Variants in CTNNA2 observed in about 807,000 individuals in gnomAD.
CTNNA2 encodes catenin alpha 2, also known as catenin alpha-2.
A neutral mutation model predicts 101.0 loss-of-function variants in CTNNA2; 42 were observed. That is an observed-to-expected ratio of 0.42 (90% CI 0.32 to 0.54). CTNNA2 has a LOEUF of 0.54. Ranked by LOEUF, CTNNA2 falls within the 20% of genes least tolerant of loss-of-function variation. The pLI is 0.14. For synonymous variants in CTNNA2, 450 were observed against 456.4 expected (o/e 0.99, Z 0.18); for missense variants, 871 against 1,223.1 (o/e 0.71, Z 4.29).
intron 15 of CTNNA2, among the ~76,000 whole-genome samples, chr2:80,592,598 T>A (rs1029830237): frequency 3.3e-5 from 5 of 152,194 alleles, no homozygotes; most frequent in African/African-American, 1.2e-4. Flanking sequence ...GTCTTCATAC[T>A]GCTTCAGCTG....
intron 2 of CTNNA2, among the ~76,000 whole-genome samples, chr2:79,662,685 A>G (rs1051214046): frequency 1.3e-5 from 2 of 152,206 alleles, no homozygotes; most frequent in African/African-American, 4.8e-5. Flanking sequence ...GGGCATGTCA[A>G]CACACTGGCT....
At chr2:80,039,078 G>A (rs553497974) in intron 7 of CTNNA2, among the ~76,000 whole-genome samples, 24 of 152,120 alleles carry the variant, frequency 1.6e-4, no homozygotes, top group Non-Finnish European at 2.8e-4. Flanking sequence ...TGCTTTCTTG[G>A]GCATTTTTTG....
At chr2:80,230,706 C>T (rs1434742695) in intron 7 of CTNNA2, among the ~76,000 whole-genome samples, 1 of 152,152 alleles carries the variant, frequency 6.6e-6, no homozygotes, top group Admixed American at 6.5e-5. Flanking sequence ...ACCACTGCAG[C>T]TATTTTGTTG....
At chr2:79,976,674 T>C (rs1003399107) in intron 7 of CTNNA2, among the ~76,000 whole-genome samples, 2 of 152,214 alleles carry the variant, frequency 1.3e-5, no homozygotes, top group African/African-American at 4.8e-5. Context: ...TATTGTCCCA[T>C]TGCATAGACA....
chr2:79,538,586 T>C (rs1201644568), intron 1 of CTNNA2, among the ~76,000 whole-genome samples: 1 of 152,044 alleles, frequency 6.6e-6, no homozygotes, highest in African/African-American at 2.4e-5. Context: ...AGAGTGGAAA[T>C]AGCAGGTAGG....
intron 1 of CTNNA2, among the ~76,000 whole-genome samples, chr2:79,604,031 A>G (rs78111166): frequency 1.1e-4 from 16 of 152,336 alleles, no homozygotes; most frequent in African/African-American, 3.6e-4. Context: ...TATGAATCCT[A>G]TGATCCTAAG....
intron 2 of CTNNA2, among the ~76,000 whole-genome samples, chr2:79,704,302 TTTA>T (rs1685202161): frequency 6.6e-6 from 1 of 152,228 alleles, no homozygotes; most frequent in Non-Finnish European, 1.5e-5. Flanking sequence ...CTTTTCTTCC[TTTA>T]TTGTTACTAT....
At chr2:79,567,040 C>G (rs977901927) in intron 1 of CTNNA2, among the ~76,000 whole-genome samples, 1 of 152,102 alleles carries the variant, frequency 6.6e-6, no homozygotes. Flanking sequence ...ATAGAGAAAG[C>G]ATAACACATT....
chr2:79,797,647 C>CAAG (rs1675822110), intron 3 of CTNNA2, among the ~76,000 whole-genome samples: 1 of 114,216 alleles, frequency 8.8e-6, no homozygotes, highest in African/African-American at 3.7e-5. Context: ...GGTGACAGAG[C>CAAG]AAGACTCTGT....
rs1441943744 is a variant in CTNNA2, at chr2:79,296,345, C to G, written c.-405-16364C>G. On this transcript the variant is annotated intron_variant, in intron 2 of 21. Transcript: ENST00000466387. The stretch of plus-strand genomic sequence containing the variant: ...AGCACTTTTAACTTTGCAAACTTTT[C>G]AAAGAGTTTTTGTCTACATACATTA... Among the ~76,000 whole-genome samples, 4 of 152,110 alleles carry G rather than the reference C, an allele frequency of 2.6e-5. No homozygotes were observed. In the East Asian group the frequency reaches 7.7e-4, roughly 29 times the overall value.
chr2:80,359,018 T>C (rs941896956), intron 7 of CTNNA2, among the ~76,000 whole-genome samples: 1 of 152,090 alleles, frequency 6.6e-6, no homozygotes, highest in Non-Finnish European at 1.5e-5. Context: ...TGAACATTTT[T>C]ATTGATTTTT....
At chr2:79,699,519 GC>G (rs1239839940) in intron 2 of CTNNA2, among the ~76,000 whole-genome samples, 37 of 151,854 alleles carry the variant, frequency 2.4e-4, no homozygotes, top group African/African-American at 8.4e-4. Flanking sequence ...TAAAAATTAT[GC>G]AAAGATCCAT....
intron 4 of CTNNA2, among the ~76,000 whole-genome samples, chr2:79,420,778 C>T (rs1474147935): frequency 6.6e-6 from 1 of 151,920 alleles, no homozygotes; most frequent in African/African-American, 2.4e-5. Context: ...CTTTATAAGC[C>T]GTTTCTCCTC....
chr2:79,556,555 T>C (rs1378272862), intron 1 of CTNNA2, among the ~76,000 whole-genome samples: 2 of 152,034 alleles, frequency 1.3e-5, no homozygotes, highest in Non-Finnish European at 2.9e-5. Flanking sequence ...CTTAGTTACA[T>C]TGTTGTGCAC....
chr2:79,953,572 G>A (rs1251972245), intron 7 of CTNNA2, among the ~76,000 whole-genome samples: 1 of 152,194 alleles, frequency 6.6e-6, no homozygotes, highest in African/African-American at 2.4e-5. Context: ...ACTTTTCTAA[G>A]TCCACTGGTG....
At chr2:79,984,812 C>G (rs1414487018) in intron 7 of CTNNA2, among the ~76,000 whole-genome samples, 5 of 152,162 alleles carry the variant, frequency 3.3e-5, no homozygotes, top group Non-Finnish European at 5.9e-5. Context: ...AGCACTGTGA[C>G]CTATCTAATA....
chr2:80,548,833 A>T (rs902836376), intron 11 of CTNNA2, among the ~76,000 whole-genome samples: 1 of 152,220 alleles, frequency 6.6e-6, no homozygotes, highest in Non-Finnish European at 1.5e-5. Flanking sequence ...CCAAACATTT[A>T]CATAAGTAAA....
At chr2:80,001,641 A>T (rs920570758) in intron 7 of CTNNA2, among the ~76,000 whole-genome samples, 1 of 152,144 alleles carries the variant, frequency 6.6e-6, no homozygotes. Flanking sequence ...TTTGCAATCT[A>T]TTGCAAAGGG....
At chr2:79,281,468 G>A (rs948268042) in intron 2 of CTNNA2, 9 of 152,106 alleles carry the variant, frequency 5.9e-5, no homozygotes, top group Admixed American at 1.3e-4. Flanking sequence ...ATCCAGAGTT[G>A]CTTGTGATTA....
Sources: allele counts gnomAD v4.1 joint callset (sites outside exome capture counted in the v4.1 genomes callset), GRCh38; gene constraint gnomAD v4.1.1; transcripts MANE v1.5; gene names NCBI Gene and HGNC (gene_info 2026-07-23, HGNC 2026-07-21).